The following ZAN variants were observed in gnomAD, a reference collection of about 807,000 sequenced individuals.
The protein encoded by ZAN is zonadhesin, also known as zonadhesin (gene/pseudogene).
ZAN carries 260 observed loss-of-function variants against 286.2 expected under a neutral mutation model. That is an observed-to-expected ratio of 0.91 (90% CI 0.82 to 1.01). The LOEUF is 1.01. Ranked by LOEUF, ZAN falls within the 50% of genes least tolerant of loss-of-function variation. The pLI is 0.00. For missense variants in ZAN, 3,410 were observed against 3,639.2 expected (o/e 0.94, Z 1.62); for synonymous variants, 1,368 against 1,417.5 (o/e 0.97, Z 0.79).
At chr7:100,759,925 C>G in intron 18 of ZAN, 80 bp downstream of exon 18, 1 of 1,516,336 alleles carries the variant, frequency 6.6e-7, no homozygotes, top group Admixed American at 2.0e-5. Context: ...CTGAACCTTT[C>G]CACGGATGGG....
chr7:100,782,153 A>G (rs1284360600), intron 35 of ZAN, among the ~76,000 whole-genome samples: 1 of 151,020 alleles, frequency 6.6e-6, no homozygotes, highest in African/African-American at 2.4e-5. Context: ...GCTCTGAGTT[A>G]CACAAAGTTT....
intron 6 of ZAN, 119 bp from the exon 7 acceptor site, chr7:100,738,342 C>T (rs2115604421): frequency 2.0e-6 from 2 of 995,282 alleles, no homozygotes; most frequent in Non-Finnish European, 3.0e-6. Context: ...CGCTTGAGTC[C>T]AGGAGTTCGA....
chr7:100,746,744 C>T, intron 8 of ZAN, 42 bp downstream of exon 8: 2 of 1,601,932 alleles, frequency 1.2e-6, no homozygotes, highest in Admixed American at 1.7e-5. Flanking sequence ...GATCTGGGCG[C>T]ATCTCCCAGG....
At chr7:100,778,016 G>GAGGAGGAGGAGC (rs1174615310) in intron 34 of ZAN, among the ~76,000 whole-genome samples, 1 of 152,112 alleles carries the variant, frequency 6.6e-6, no homozygotes, top group Non-Finnish European at 1.5e-5. Context: ...AACCTTGGAG[G>GAGGAGGAGGAGC]AGGAGCAGGA....
chr7:100,762,485 G>A lies in ZAN; in HGVS notation c.3986+127G>A, dbSNP rs1028721514. ...CTGTCGCTTAGGCTGGAGTGCAGTG[G>A]TGCGATCTCAGCTCACTGCAACCTC... On this transcript the variant is annotated intron_variant, in intron 20 of 47. Transcript: ENST00000613979. 6.3e-6 allele frequency: 8 copies of A among 1,260,740 alleles called. No homozygotes were observed. The South Asian group carries it at 8.1e-5, about 13-fold the overall frequency. 78.1% of individuals were successfully genotyped at this position (1,260,740 alleles called of 1,614,324 possible).
chr7:100,744,006 C>G (rs1808001113), intron 7 of ZAN, among the ~76,000 whole-genome samples: 1 of 150,694 alleles, frequency 6.6e-6, no homozygotes, highest in Non-Finnish European at 1.5e-5. Flanking sequence ...TGTGAGCTGC[C>G]ACGCCCAGCC....
At position 100,775,601 on chromosome 7, in the gene ZAN, TGGGA is replaced by T. The variant is rs765067357; in HGVS notation, c.6027+32_6027+35del. The T allele has an allele frequency of 2.2e-5, 35 of 1,611,634 alleles. No individual in the cohort carries two copies. In the South Asian group the frequency reaches 2.7e-4, roughly 13 times the overall value. ...GTGAGCTGGGTGTGGTGACCGGGGC[TGGGA>T]GGGAGTGCTGGGGAGGGGACTCTTG... On this transcript the variant is annotated intron_variant, in intron 32 of 47. Transcript: ENST00000613979.
intron 34 of ZAN, among the ~76,000 whole-genome samples, chr7:100,776,882 G>A (rs1229729836): frequency 2.1e-5 from 3 of 146,070 alleles, no homozygotes; most frequent in Non-Finnish European, 4.5e-5. Flanking sequence ...ACAGGCGCCC[G>A]CCACCGCGCC....
intron 35 of ZAN, among the ~76,000 whole-genome samples, chr7:100,783,731 C>T (rs1481201634): frequency 4.4e-4 from 11 of 24,774 alleles, no homozygotes; most frequent in South Asian, 1.3e-3. Context: ...GCCCGTCCCC[C>T]GCAAAAAAAA....
rs1037301031 is a variant in ZAN at position 100,763,766 on chromosome 7, G to A, written c.3987-40G>A. The A allele has an allele frequency of 2.5e-6, 4 of 1,570,638 alleles. No homozygotes were observed. Among genetic ancestry groups the A allele is most frequent in the African/African-American group, 1.4e-5 (1 of 71,366 alleles). Reference sequence around the variant, plus strand: ...GCTGGGTTAGGGATGAGCTGGAAGCGAGCTTTGTCTTTAGGGAGTTTGGGG... The same window carrying A: ...GCTGGGTTAGGGATGAGCTGGAAGCAAGCTTTGTCTTTAGGGAGTTTGGGG... On this transcript the variant is annotated intron_variant, in intron 20 of 47. Transcript: ENST00000613979. This position sits in a 1 kb window ranked among gnomAD's most constrained non-coding sequence, Gnocchi z 4.6.
At chr7:100,733,880 G>A (rs1170895078) in intron 1 of ZAN, 147 bp from the exon 2 acceptor site, 1 of 265,328 alleles carries the variant, frequency 3.8e-6, no homozygotes, top group East Asian at 6.4e-5. Context: ...TTTGAGGTTA[G>A]ACTTCCTGGA....
chr7:100,779,398 C>A, intron 34 of ZAN, 48 bp from the exon 35 acceptor site: 1 of 1,525,914 alleles, frequency 6.6e-7, no homozygotes, highest in Non-Finnish European at 8.8e-7. Flanking sequence ...AATTTTGTGT[C>A]ATAGTAGGGG....
Position 100,746,588 on chromosome 7 carries a change from G to A in ZAN, c.817G>A (p.Ala273Thr). The A allele has an allele frequency of 6.2e-7, 1 of 1,613,974 alleles. No homozygotes were observed. The highest frequency in any genetic ancestry group is 2.2e-5 in the East Asian group (1 of 44,880). The change falls in exon 8 of 48, where the codon GCT (alanine) becomes ACT (threonine). Residue 273 changes from alanine (A) to threonine (T), a missense_variant. Coordinates refer to ENST00000613979, the MANE Select transcript of ZAN (RefSeq NM_003386.3). ...DPKNARPGQK[A>T]VLLSPVSLSS... ...CAAGAATGCAAGACCTGGGCAGAAA[G>A]CTGTCCTCCTGAGCCCCGTGAGCCT...
At chr7:100,782,192 C>CTTTT (rs35837366) in intron 35 of ZAN, among the ~76,000 whole-genome samples, 1 of 144,054 alleles carries the variant, frequency 6.9e-6, no homozygotes, top group Non-Finnish European at 1.5e-5. Context: ...CATCTTTTGA[C>CTTTT]TTTTTTTTTT....
At chr7:100,734,876 C>T (rs530367595) in intron 2 of ZAN, among the ~76,000 whole-genome samples, 3 of 140,324 alleles carry the variant, frequency 2.1e-5, no homozygotes, top group Non-Finnish European at 3.2e-5. Context: ...GACTTAAGTA[C>T]GAGGCAGCAA....
intron 35 of ZAN, among the ~76,000 whole-genome samples, chr7:100,781,796 C>T (rs1811213272): frequency 6.6e-6 from 1 of 151,818 alleles, no homozygotes; most frequent in African/African-American, 2.4e-5. Context: ...TGTGCCACCA[C>T]ACCCAGCTAA....
intron 6 of ZAN, 72 bp from the exon 7 acceptor site, chr7:100,738,389 G>C: frequency 7.5e-7 from 1 of 1,333,630 alleles, no homozygotes; most frequent in East Asian, 2.6e-5. Context: ...CTGTACTCTA[G>C]CCTGGGTGAC....
chr7:100,776,384 G>T, intron 33 of ZAN, 56 bp from the exon 34 acceptor site: 1 of 1,529,966 alleles, frequency 6.5e-7, no homozygotes, highest in Non-Finnish European at 8.9e-7. Flanking sequence ...AGGAAGGAAG[G>T]GAGAAAAACT....
At position 100,779,900 on chromosome 7, in the gene ZAN, AT is replaced by A. The variant is rs543317226; in HGVS notation, c.6622+151del. 2.3e-4 allele frequency: 229 copies of A among 987,166 alleles called. 2 individuals carry two copies. In the African/African-American group the frequency reaches 3.5e-3, roughly 15 times the overall value. The allele number at this position is 987,166 out of a possible 1,614,324, so 61.2% of individuals were successfully genotyped here. ...ACAAGGACTATTTTTTAATTTTTATATAAAATTTTTTTTGCTGGGTGTGGTG... is the reference window on the plus strand; with the variant it reads ...ACAAGGACTATTTTTTAATTTTTATAAAAATTTTTTTTGCTGGGTGTGGTG... On this transcript the variant is annotated intron_variant, in intron 35 of 47. Transcript: ENST00000613979.
Sources: gnomAD v4.1 joint callset for allele counts (sites outside exome capture counted in the v4.1 genomes callset) on GRCh38, gnomAD v4.1.1 for gene constraint, Gnocchi (gnomAD v3.1) non-coding constraint, MANE v1.5 for transcripts, NCBI Gene and HGNC (gene_info 2026-07-23, HGNC 2026-07-21) for gene names.